Variants in UST observed in about 807,000 individuals in gnomAD.
UST encodes uronyl 2-sulfotransferase, also known as chondroitin sulfate 2-O-sulfotransferase.
UST carries 21 observed loss-of-function variants against 45.6 expected under a neutral mutation model. The ratio of observed to expected loss-of-function variants is 0.46; its 90% CI spans 0.33 to 0.66. The LOEUF is 0.66. Among genes scored for constraint, UST ranks in the 30% least tolerant of loss-of-function variants. The pLI is 0.02. For missense variants in UST, 463 were observed against 512.4 expected (o/e 0.90, Z 0.93); for synonymous variants, 215 against 200.6 (o/e 1.07, Z -0.61).
intron 1 of UST, among the ~76,000 whole-genome samples, chr6:148,872,602 C>G (rs953593211): frequency 6.6e-6 from 1 of 151,200 alleles, no homozygotes; most frequent in Non-Finnish European, 1.5e-5. Flanking sequence ...TAACAAATTA[C>G]TATAAATGTA....
chr6:148,868,568 G>A (rs746568183), intron 1 of UST, among the ~76,000 whole-genome samples: 8 of 152,164 alleles, frequency 5.3e-5, no homozygotes, highest in Non-Finnish European at 1.0e-4. Flanking sequence ...TGAAAGGTAG[G>A]ACTAAGACTT....
intron 7 of UST, among the ~76,000 whole-genome samples, chr6:149,042,054 C>T (rs911122555): frequency 6.6e-6 from 1 of 152,200 alleles, no homozygotes; most frequent in Non-Finnish European, 1.5e-5. Flanking sequence ...TGAATTAATA[C>T]TGAATGCATG....
intron 1 of UST, among the ~76,000 whole-genome samples, chr6:148,848,841 G>C (rs527408727): frequency 6.6e-6 from 1 of 152,064 alleles, no homozygotes; most frequent in Non-Finnish European, 1.5e-5. Flanking sequence ...TCTTCGAGCC[G>C]GATAACCAAG....
chr6:148,902,314 A>T lies in UST; in HGVS notation c.291+15285A>T, dbSNP rs189753745. ...TGATCACAGCTCACTGCAACCTTGA[A>T]ATCCTGGGCTCAAGTGATCTTCCCA... is the stretch of plus-strand genomic sequence containing the variant. On this transcript the variant is annotated intron_variant, in intron 2 of 7. Transcript: ENST00000367463. 3.5e-3 allele frequency among the ~76,000 whole-genome samples: 528 copies of T among 152,012 alleles called. 4 individuals are homozygous for T. Among genetic ancestry groups the T allele is most frequent in the African/African-American group, 0.012 (506 of 41,478 alleles).
intron 7 of UST, among the ~76,000 whole-genome samples, chr6:149,043,005 TTC>T (rs1381199285): frequency 1.0e-3 from 121 of 117,398 alleles, no homozygotes; most frequent in African/African-American, 4.5e-3. Flanking sequence ...CTTTCTTTCT[TTC>T]TTTCTTTCTT....
chr6:148,824,608 G>A (rs1329219144), intron 1 of UST, among the ~76,000 whole-genome samples: 1 of 151,480 alleles, frequency 6.6e-6, no homozygotes, highest in Non-Finnish European at 1.5e-5. Context: ...TTGCTAGGAG[G>A]TTTACTCATT....
chr6:148,771,087 T>C (rs1776416659), intron 1 of UST, among the ~76,000 whole-genome samples: 1 of 152,240 alleles, frequency 6.6e-6, no homozygotes, highest in Non-Finnish European at 1.5e-5. Flanking sequence ...GTTTGTTTTT[T>C]CTGATTAGCT....
chr6:148,786,291 A>G (rs1427690588), intron 1 of UST, among the ~76,000 whole-genome samples: 1 of 152,076 alleles, frequency 6.6e-6, no homozygotes, highest in Non-Finnish European at 1.5e-5. Flanking sequence ...TACACAGGTA[A>G]ACATGTCCCA....
chr6:148,841,602 CA>C (rs1777894584), intron 1 of UST, among the ~76,000 whole-genome samples: 4 of 133,560 alleles, frequency 3.0e-5, no homozygotes, highest in African/African-American at 1.2e-4. Context: ...TTTTTTCTGT[CA>C]TGTGTTTGAA....
chr6:148,808,225 C>T (rs991727523), intron 1 of UST, among the ~76,000 whole-genome samples: 7 of 152,194 alleles, frequency 4.6e-5, no homozygotes, highest in Admixed American at 4.6e-4. Context: ...GAGCCTAGTG[C>T]CCCTCTTGGG....
At chr6:148,947,039 T>C (rs1452638261) in intron 3 of UST, among the ~76,000 whole-genome samples, 2 of 151,228 alleles carry the variant, frequency 1.3e-5, no homozygotes, top group Non-Finnish European at 2.9e-5. Context: ...GAGGAATAAG[T>C]GTGTACAGGA....
intron 1 of UST, among the ~76,000 whole-genome samples, chr6:148,782,360 C>T (rs1392930651): frequency 2.0e-5 from 3 of 152,006 alleles, no homozygotes; most frequent in African/African-American, 4.8e-5. Flanking sequence ...GTGGAAATAG[C>T]GAGAGAACTA....
intron 1 of UST, among the ~76,000 whole-genome samples, chr6:148,751,837 T>C (rs1453623101): frequency 6.6e-6 from 1 of 152,270 alleles, no homozygotes; most frequent in Non-Finnish European, 1.5e-5. Flanking sequence ...TGATGCAGCC[T>C]TGCTGCCAGT....
At chr6:148,980,333 G>A (rs1406630393) in intron 5 of UST, among the ~76,000 whole-genome samples, 4 of 151,750 alleles carry the variant, frequency 2.6e-5, no homozygotes, top group East Asian at 1.9e-4. Flanking sequence ...TTCTCTCCAC[G>A]GCTGCTGCCA....
intron 5 of UST, among the ~76,000 whole-genome samples, chr6:148,977,794 G>T (rs1781049135): frequency 6.7e-6 from 1 of 150,218 alleles, no homozygotes; most frequent in African/African-American, 2.4e-5. Context: ...AGCTTGTTCA[G>T]CCGTCCGCTA....
In UST at chr6:149,021,613, C is replaced by T. The variant is rs1562331767; in HGVS notation, c.937+132C>T. ...GACAAAGGGCAGTTAGTTCCCTGGG[C>T]TTGCAAAGGAAAGTTAGAACCAGGA... is the stretch of plus-strand genomic sequence containing the variant. On this transcript the variant is annotated intron_variant, in intron 7 of 7. Transcript: ENST00000367463. The T allele has an allele frequency of 6.5e-6, 7 of 1,084,118 alleles. No individual in the cohort carries two copies. In the South Asian group the frequency reaches 7.8e-5, roughly 12 times the overall value. The allele number at this position is 1,084,118 out of a possible 1,614,324, so 67.2% of individuals were successfully genotyped here.
At chr6:148,824,703 A>C (rs1303667910) in intron 1 of UST, among the ~76,000 whole-genome samples, 2 of 141,110 alleles carry the variant, frequency 1.4e-5, no homozygotes, top group South Asian at 2.2e-4. Flanking sequence ...TTATACTCTA[A>C]GTTTTAGGGT....
chr6:148,848,669 C>CAAA (rs34813628), intron 1 of UST, among the ~76,000 whole-genome samples: 20 of 102,582 alleles, frequency 1.9e-4, no homozygotes, highest in Admixed American at 7.8e-4. Flanking sequence ...GACTCCATCT[C>CAAA]AAAAAAAAAA....
intron 5 of UST, among the ~76,000 whole-genome samples, chr6:148,978,011 T>G (rs983266006): frequency 2.6e-5 from 4 of 152,296 alleles, no homozygotes; most frequent in African/African-American, 9.6e-5. Flanking sequence ...TTAAGTTGAT[T>G]TCTAGATATT....
Sources: allele counts gnomAD v4.1 joint callset (sites outside exome capture counted in the v4.1 genomes callset), GRCh38; gene constraint gnomAD v4.1.1; transcripts MANE v1.5; gene names NCBI Gene and HGNC (gene_info 2026-07-23, HGNC 2026-07-21).